NFIB: variants seen among roughly 807,000 people sequenced by gnomAD.
The protein encoded by NFIB is nuclear factor 1 B-type.
NFIB carries 11 observed loss-of-function variants against 61.5 expected under a neutral mutation model. That is an observed-to-expected ratio of 0.18 (90% CI 0.11 to 0.30). The LOEUF (loss-of-function observed/expected upper bound fraction) is 0.30, where lower values mean the gene tolerates loss of function less well. Ranked by LOEUF, NFIB falls within the 10% of genes least tolerant of loss-of-function variation. The probability of loss-of-function intolerance (pLI) is 1.00; values close to 1 mark genes in which losing one functional copy is unlikely to be tolerated. For synonymous variants in NFIB, 260 were observed against 216.5 expected, an observed-to-expected ratio of 1.20 and a Z score of -1.76; for missense variants, 471 against 608.9, an observed-to-expected ratio of 0.77 and a Z score of 2.38.
At chr9:14,489,152 A>T in the NFIB span, among the ~76,000 whole-genome samples, 3 of 152,232 alleles carry the variant, frequency 2.0e-5, no homozygotes, top group African/African-American at 7.2e-5. Flanking sequence ...TTTCTCTTCA[A>T]GATCTGAATT....
the NFIB span, among the ~76,000 whole-genome samples, chr9:14,460,736 AAC>A: frequency 6.6e-6 from 1 of 152,080 alleles, no homozygotes; most frequent in Non-Finnish European, 1.5e-5. Context: ...AACTTTCTAA[AAC>A]ACAAATTTGA....
chr9:14,184,661 A>G (rs1196632155), intron 2 of NFIB, among the ~76,000 whole-genome samples: 1 of 152,230 alleles, frequency 6.6e-6, no homozygotes, highest in Non-Finnish European at 1.5e-5. Flanking sequence ...CACTGCAACT[A>G]TCTGAGGTAG....
intron 1 of NFIB, among the ~76,000 whole-genome samples, chr9:14,366,774 G>T (rs374587116): frequency 6.6e-6 from 1 of 152,108 alleles, no homozygotes; most frequent in Non-Finnish European, 1.5e-5. Flanking sequence ...ATGAGCCACC[G>T]TGCCTGGATG....
At chr9:14,187,957 C>T (rs1297417097) in intron 2 of NFIB, among the ~76,000 whole-genome samples, 2 of 152,158 alleles carry the variant, frequency 1.3e-5, no homozygotes, top group Non-Finnish European at 2.9e-5. Flanking sequence ...CCCCCCACAA[C>T]AATGGGAAGC....
rs34910775 is a variant in NFIB at position 14,326,698 on chromosome 9, GAAAAA to G, written c.109-19183_109-19179del. Among the ~76,000 whole-genome samples the G allele has an allele frequency of 4.8e-5, 6 of 125,474 alleles. 1 individual carries two copies. The South Asian group carries it at 1.6e-3, about 34-fold the overall frequency. 82.3% of individuals were successfully genotyped at this position (125,474 alleles called of 152,430 possible). Reference sequence around the variant, plus strand: ...CAAGAGCAGGTTAAAGTGGTTTACAGAAAAAAAAAAAAAAAAAAGCCTGCAGTTAT... The same window carrying G: ...CAAGAGCAGGTTAAAGTGGTTTACAGAAAAAAAAAAAAAGCCTGCAGTTAT... On this transcript the variant is annotated intron_variant, in intron 1 of 8. Transcript: ENST00000380934.
chr9:14,471,290 T>C, the NFIB span, among the ~76,000 whole-genome samples: 1 of 152,196 alleles, frequency 6.6e-6, no homozygotes, highest in Admixed American at 6.5e-5. Flanking sequence ...GAAAGGTGAA[T>C]GGCTTCTAAA....
chr9:14,091,665 T>C (rs1394485012), intron 10 of NFIB, among the ~76,000 whole-genome samples: 1 of 152,146 alleles, frequency 6.6e-6, no homozygotes, highest in Non-Finnish European at 1.5e-5. Flanking sequence ...TTTGTTTTAA[T>C]CAAATTTTTC....
At chr9:14,257,351 G>A (rs1052655826) in intron 2 of NFIB, among the ~76,000 whole-genome samples, 1 of 152,172 alleles carries the variant, frequency 6.6e-6, no homozygotes, top group African/African-American at 2.4e-5. Flanking sequence ...TCTTCTACAA[G>A]CTGGATATTA....
At position 14,349,259 on chromosome 9, in the gene NFIB, G is replaced by C. The variant is rs1036056006; in HGVS notation, c.109-41739C>G. On this transcript the variant is annotated intron_variant, in intron 1 of 8. Transcript: ENST00000380934. ...GGTCTCGCATGCGAACCTGTGGGAA[G>C]GACAGTTCAGGCTGGGCCCTGGGGC... 3.3e-5 allele frequency among the ~76,000 whole-genome samples: 5 copies of C among 152,184 alleles called. 1 individual carries two copies. Among genetic ancestry groups the C allele is most frequent in the Admixed American group, 3.3e-4 (5 of 15,290 alleles).
At chr9:14,220,842 T>TACACACACACACAC (rs138623129) in intron 2 of NFIB, among the ~76,000 whole-genome samples, 5,755 of 122,910 alleles carry the variant, frequency 0.047, 264 homozygotes, top group Middle Eastern at 0.094. Flanking sequence ...TCAATCTCCC[T>TACACACACACACAC]ACACACACAC....
chr9:14,120,514 G>C lies in NFIB; in HGVS notation c.1171C>G (p.Pro391Ala). Residue 391 changes from proline (P) to alanine (A), a missense_variant, in exon 8 of 11, where the codon CCC becomes GCC. This residue lies in a region of NFIB where 372 missense variants were observed against 395.6 expected (regional missense o/e 0.94). Coordinates refer to ENST00000380953, the MANE Select transcript of NFIB (RefSeq NM_001190737.2). The surrounding 1 kb of genome is among the most constrained non-coding windows in gnomAD (Gnocchi z 4.4). Reference protein sequence around the residue: ...YFSHPTIRYPPHLNPQDTLKN... With the variant: ...YFSHPTIRYPAHLNPQDTLKN... Reference sequence around the variant, plus strand: ...AGAGTATCCTGAGGATTCAGGTGGGGAGGATATCTGATTGTTGGATGAGAA... The same window carrying C: ...AGAGTATCCTGAGGATTCAGGTGGGCAGGATATCTGATTGTTGGATGAGAA... 1.2e-6 allele frequency: 2 copies of C among 1,614,176 alleles called. No individual in the cohort carries two copies. Among genetic ancestry groups the C allele is most frequent in the African/African-American group, 1.3e-5 (1 of 75,052 alleles).
upstream of NFIB, among the ~76,000 whole-genome samples, chr9:14,315,845 C>T (rs1263055625): frequency 1.3e-5 from 2 of 151,904 alleles, no homozygotes; most frequent in South Asian, 2.1e-4. Context: ...GAAAAGTGAG[C>T]GCCTGGGGCT....
At chr9:14,368,855 G>T (rs1197410148) in intron 1 of NFIB, among the ~76,000 whole-genome samples, 4 of 152,158 alleles carry the variant, frequency 2.6e-5, no homozygotes, top group African/African-American at 7.2e-5. Flanking sequence ...GACCCTTATT[G>T]TTCCCGTGAA....
chr9:14,166,007 C>T lies in NFIB; in HGVS notation c.617-10114G>A, dbSNP rs146588612. Among the ~76,000 whole-genome samples, 22 of 152,160 alleles carry T rather than the reference C, an allele frequency of 1.4e-4. No homozygotes were observed. In the East Asian group the frequency reaches 2.9e-3, roughly 20 times the overall value. On this transcript the variant is annotated intron_variant, in intron 3 of 10. Coordinates refer to ENST00000380953, the MANE Select transcript of NFIB (RefSeq NM_001190737.2). ...TTAAGATGACAAATTTAATGTTACG[C>T]GTATTTCACTAAAATTTAAAAATGC...
At chr9:14,315,123 G>T (rs1043335753), upstream of NFIB, among the ~76,000 whole-genome samples, 56 of 152,150 alleles carry the variant, frequency 3.7e-4, no homozygotes, top group South Asian at 1.0e-3. Context: ...TTGGGCTCAA[G>T]TAGTTGGGGC....
chr9:14,530,789 C>T, the NFIB span, among the ~76,000 whole-genome samples: 1 of 152,030 alleles, frequency 6.6e-6, no homozygotes, highest in Non-Finnish European at 1.5e-5. Context: ...GAATAAAGTG[C>T]CCATTGTCTT....
chr9:14,455,590 G>T, the NFIB span, among the ~76,000 whole-genome samples: 1 of 152,142 alleles, frequency 6.6e-6, no homozygotes, highest in Non-Finnish European at 1.5e-5. Flanking sequence ...TGATGTTTAG[G>T]CAGATTAGTC....
chr9:14,447,926 T>C, the NFIB span, among the ~76,000 whole-genome samples: 2 of 152,212 alleles, frequency 1.3e-5, no homozygotes, highest in African/African-American at 4.8e-5. Flanking sequence ...TTTTAAATTA[T>C]GCATAGAAGG....
the NFIB span, among the ~76,000 whole-genome samples, chr9:14,497,630 A>C: frequency 6.6e-6 from 1 of 152,194 alleles, no homozygotes; most frequent in Non-Finnish European, 1.5e-5. Flanking sequence ...CATTGAGGGA[A>C]TTCTGTAATG....
Sources: allele counts gnomAD v4.1 joint callset (sites outside exome capture counted in the v4.1 genomes callset), GRCh38; gene constraint gnomAD v4.1.1; regional missense constraint gnomAD v4.1.1; non-coding constraint Gnocchi (gnomAD v3.1); transcripts MANE v1.5; gene names NCBI Gene and HGNC (gene_info 2026-07-23, HGNC 2026-07-21).